The following NAV1 variants were observed in gnomAD, a reference collection of about 807,000 sequenced individuals.
NAV1 encodes the protein pore membrane and/or filament interacting like protein 3.
NAV1 carries 18 observed loss-of-function variants against 175.2 expected under a neutral mutation model. That is an observed-to-expected ratio of 0.10 (90% CI 0.07 to 0.15). The LOEUF (loss-of-function observed/expected upper bound fraction) is 0.15. Ranked by LOEUF, NAV1 falls within the 10% of genes least tolerant of loss-of-function variation. The pLI is 1.00. For synonymous variants in NAV1, 897 were observed against 978.7 expected (o/e 0.92, Z 1.56); for missense variants, 1,731 against 2,436.6 (o/e 0.71, Z 6.10).
intron 1 of NAV1, among the ~76,000 whole-genome samples, chr1:201,702,202 T>C (rs1413062507): frequency 6.6e-6 from 1 of 152,066 alleles, no homozygotes; most frequent in African/African-American, 2.4e-5. Context: ...AGAAAGTAGA[T>C]TGGTGGTTGC....
At chr1:201,762,114 T>TGC in intron 3 of NAV1, among the ~76,000 whole-genome samples, 1 of 152,242 alleles carries the variant, frequency 6.6e-6, no homozygotes, top group Non-Finnish European at 1.5e-5. Context: ...GAGCTGTGTT[T>TGC]GCACCACTGC....
At chr1:201,676,405 AAGTGCTGAGGAGG>A (rs1383381012) in intron 1 of NAV1, among the ~76,000 whole-genome samples, 3 of 152,204 alleles carry the variant, frequency 2.0e-5, no homozygotes, top group African/African-American at 7.2e-5. Context: ...AGCTGCCCAG[AAGTGCTGAGGAGG>A]ACACAGAGTC....
intron 3 of NAV1, among the ~76,000 whole-genome samples, chr1:201,752,575 C>T (rs1315067218): frequency 6.6e-6 from 1 of 150,730 alleles, no homozygotes; most frequent in African/African-American, 2.4e-5. Flanking sequence ...TCACCTTAGA[C>T]AAAGTGCTAA....
chr1:201,725,925 C>T (rs1434240657), intron 3 of NAV1, among the ~76,000 whole-genome samples: 1 of 152,130 alleles, frequency 6.6e-6, no homozygotes, highest in African/African-American at 2.4e-5. Context: ...CCCCTGCACA[C>T]CAGCCTGGGC....
chr1:201,636,439 G>C (rs912471443), intron 2 of NAV1, among the ~76,000 whole-genome samples: 1 of 152,228 alleles, frequency 6.6e-6, no homozygotes, highest in Non-Finnish European at 1.5e-5. Context: ...AATAGCCAGA[G>C]AGATTAAGTG....
rs182183177 is a variant in NAV1, at chr1:201,590,189, G to A, written c.-33+1540G>A. On this transcript the variant is annotated intron_variant, in intron 2 of 33. Transcript: ENST00000685211. The stretch of plus-strand genomic sequence containing the variant: ...ATTACAGGCATGAGCCACCATGCCC[G>A]CCCAGGGAAGACAGTATCTCCATTT... 2.7e-3 allele frequency among the ~76,000 whole-genome samples: 416 copies of A among 152,300 alleles called. 7 individuals carry two copies. Among genetic ancestry groups the A allele is most frequent in the East Asian group, 0.014 (73 of 5,180 alleles).
intron 1 of NAV1, among the ~76,000 whole-genome samples, chr1:201,684,793 C>T (rs988889532): frequency 5.3e-5 from 8 of 151,570 alleles, no homozygotes; most frequent in African/African-American, 1.9e-4. Flanking sequence ...TTTAAAAAAC[C>T]CCAATTCTTA....
chr1:201,726,117 G>T lies in NAV1; in HGVS notation c.1226+7362G>T, dbSNP rs546958542. 2.6e-5 allele frequency among the ~76,000 whole-genome samples: 4 copies of T among 152,282 alleles called. No individual in the cohort carries two copies. In the South Asian group the frequency reaches 8.3e-4, roughly 32 times the overall value. ...TGCTGACTCCAGATTCATACACATA[G>T]CCTTGGCTGATGCTTCTTTGTGGTG... On this transcript the variant is annotated intron_variant, in intron 3 of 29. Coordinates refer to ENST00000367296, the Ensembl canonical transcript of NAV1.
intron 2 of NAV1, among the ~76,000 whole-genome samples, chr1:201,602,358 T>C (rs1021711482): frequency 6.6e-6 from 1 of 152,232 alleles, no homozygotes; most frequent in African/African-American, 2.4e-5. Flanking sequence ...TTTTTCTTTT[T>C]TGAGATGGAG....
At chr1:201,639,317 C>T (rs548903690) in intron 2 of NAV1, among the ~76,000 whole-genome samples, 29 of 152,252 alleles carry the variant, frequency 1.9e-4, no homozygotes, top group African/African-American at 6.5e-4. Flanking sequence ...GGGAAGCCAG[C>T]GAGGTCATCA....
At chr1:201,702,672 T>TTCCCTCTCTCTCTCTCTCTTTC (rs1365276379) in intron 1 of NAV1, among the ~76,000 whole-genome samples, 26 of 1,724 alleles carry the variant, frequency 0.015, 6 homozygotes, top group African/African-American at 0.02. Flanking sequence ...GGTATGTGAA[T>TTCCCTCTCTCTCTCTCTCTTTC]TCTCTCTCTC....
exon 2 of NAV1, chr1:201,712,827 C>T: frequency 6.2e-7 from 1 of 1,613,098 alleles, no homozygotes; most frequent in Non-Finnish European, 8.5e-7. Flanking sequence ...ACCCAGAGTC[C>T]CAGAGAAAGA....
intron 1 of NAV1, among the ~76,000 whole-genome samples, chr1:201,664,510 T>G (rs745452275): frequency 5.9e-5 from 9 of 152,246 alleles, no homozygotes; most frequent in African/African-American, 1.2e-4. Context: ...TGTAACACAC[T>G]GAGCACAGTG....
intron 1 of NAV1, among the ~76,000 whole-genome samples, chr1:201,669,735 G>A (rs1361703658): frequency 6.6e-6 from 1 of 152,176 alleles, no homozygotes; most frequent in Non-Finnish European, 1.5e-5. Flanking sequence ...CCTGGGTAGG[G>A]AAACATCATT....
At chr1:201,579,670 T>C (rs1666792561) in intron 1 of NAV1, among the ~76,000 whole-genome samples, 1 of 152,202 alleles carries the variant, frequency 6.6e-6, no homozygotes, top group Non-Finnish European at 1.5e-5. Flanking sequence ...TCTACCTTTT[T>C]ATCTCCACCT....
chr1:201,788,963 C>T lies in NAV1; in HGVS notation c.3166+325C>T, dbSNP rs780877575. On this transcript the variant is annotated intron_variant, in intron 10 of 29. Coordinates refer to ENST00000367296, the Ensembl canonical transcript of NAV1. The surrounding 1 kb of genome is among the most constrained non-coding windows in gnomAD (Gnocchi z 5.7). Reference sequence around the variant, plus strand: ...CTCTCCTCCTCATTCTAGCCATAGTCTTTCCTCCCCACAGTCTCTCAAATA... The same window carrying T: ...CTCTCCTCCTCATTCTAGCCATAGTTTTTCCTCCCCACAGTCTCTCAAATA... Among the ~76,000 whole-genome samples the T allele has an allele frequency of 2.0e-5, 3 of 152,194 alleles. No individual in the cohort carries two copies. The highest frequency in any genetic ancestry group is 4.4e-5 in the Non-Finnish European group (3 of 68,030).
intron 1 of NAV1, among the ~76,000 whole-genome samples, chr1:201,697,788 C>T (rs1271993726): frequency 6.6e-6 from 1 of 152,226 alleles, no homozygotes; most frequent in African/African-American, 2.4e-5. Flanking sequence ...CCAAACCACA[C>T]CTCTTCTCCT....
At chr1:201,634,559 TAA>T (rs1668563168) in intron 2 of NAV1, among the ~76,000 whole-genome samples, 1 of 152,090 alleles carries the variant, frequency 6.6e-6, no homozygotes, top group African/African-American at 2.4e-5. Flanking sequence ...GCCAGATAAG[TAA>T]GGTCATCCGA....
chr1:201,541,845 G>T (rs187440894), intron 1 of NAV1, among the ~76,000 whole-genome samples: 12 of 152,166 alleles, frequency 7.9e-5, no homozygotes, highest in Admixed American at 1.3e-4. Context: ...TGAACCTCTG[G>T]TATCAACTCA....
Sources: allele counts gnomAD v4.1 joint callset (sites outside exome capture counted in the v4.1 genomes callset), GRCh38; gene constraint gnomAD v4.1.1; non-coding constraint Gnocchi (gnomAD v3.1); transcripts MANE v1.5; gene names NCBI Gene and HGNC (gene_info 2026-07-23, HGNC 2026-07-21).